The following EPB41 variants were observed in gnomAD, a reference collection of about 807,000 sequenced individuals.
EPB41 encodes the protein protein 4.1.
Under a neutral mutation model 108.0 loss-of-function variants are expected in EPB41, and 65 were observed. That is an observed-to-expected ratio of 0.60 (90% CI 0.49 to 0.74). EPB41 has a LOEUF of 0.74. Among genes scored for constraint, EPB41 ranks in the 30% least tolerant of loss-of-function variants. The pLI, the probability that EPB41 is intolerant of heterozygous loss-of-function variation, is 0.00. For synonymous variants in EPB41, 336 were observed against 358.9 expected, an observed-to-expected ratio of 0.94 and a Z score of 0.72; for missense variants, 875 against 1,037.0, an observed-to-expected ratio of 0.84 and a Z score of 2.15.
Position 29,035,889 on chromosome 1 carries a change from T to A in EPB41, c.1429T>A (p.Trp477Arg). Residue 477 changes from tryptophan to arginine, a missense_variant, in exon 10 of 21, where the codon TGG becomes AGG. By Grantham distance (101) the Trp-to-Arg change is moderately radical (BLOSUM62 -3). Coordinates refer to ENST00000343067, the MANE Select transcript of EPB41 (RefSeq NM_001376013.1). ...LPSYRAAKKLWKVCVEHHTFF... is the reference protein window; with the variant it reads ...LPSYRAAKKLRKVCVEHHTFF... ...CAGTTACCGAGCAGCTAAGAAATTA[T>A]GGAAAGTCTGTGTAGAACATCACAC... 1 of 1,613,980 alleles carries A rather than the reference T, an allele frequency of 6.2e-7. No homozygotes were observed.
intron 1 of EPB41, among the ~76,000 whole-genome samples, chr1:28,985,998 A>G (rs2095862850): frequency 1.0e-5 from 1 of 99,054 alleles, no homozygotes; most frequent in Non-Finnish European, 1.9e-5. Flanking sequence ...ACCCCACCAC[A>G]GTCCCCAGAG....
intron 12 of EPB41, among the ~76,000 whole-genome samples, chr1:29,056,966 A>T (rs954583647): frequency 6.6e-6 from 1 of 152,212 alleles, no homozygotes; most frequent in South Asian, 2.1e-4. Flanking sequence ...TGTTTGCTAA[A>T]TGTACAATTC....
intron 1 of EPB41, among the ~76,000 whole-genome samples, chr1:28,922,688 C>T (rs1435794177): frequency 1.3e-5 from 2 of 149,044 alleles, no homozygotes; most frequent in Admixed American, 6.8e-5. Context: ...AGTGCAGTGG[C>T]GCGATCTCGG....
At chr1:29,023,693 A>G (rs539171087) in intron 7 of EPB41, among the ~76,000 whole-genome samples, 2 of 152,046 alleles carry the variant, frequency 1.3e-5, no homozygotes, top group Middle Eastern at 3.4e-3. Flanking sequence ...GTCTCAAAAA[A>G]AAGAAAAAAG....
At position 29,075,156 on chromosome 1, in the gene EPB41, CA is replaced by C. The variant is rs397979778; in HGVS notation, c.2184+10017del. The stretch of plus-strand genomic sequence containing the variant: ...TGGGCGACAGAGTGAGACTCCGTCT[CA>C]AAAAAAAAAAAAAAAAAATCTTTTG... On this transcript the variant is annotated intron_variant, in intron 16 of 20. Transcript: ENST00000343067. 7.6e-3 allele frequency among the ~76,000 whole-genome samples: 741 copies of C among 97,544 alleles called. 3 individuals carry two copies. Among genetic ancestry groups the C allele is most frequent in the African/African-American group, 0.028 (668 of 23,976 alleles). 64.0% of individuals were successfully genotyped at this position (97,544 alleles called of 152,430 possible).
Position 28,993,347 on chromosome 1 carries a change from C to G in EPB41, c.486C>G (p.Leu162=). 1 of 1,612,690 alleles carries G rather than the reference C, an allele frequency of 6.2e-7. No individual in the cohort carries two copies. Among genetic ancestry groups the G allele is most frequent in the Admixed American group, 1.7e-5 (1 of 59,994 alleles). The change falls in exon 3 of 21, where the codon CTC becomes CTG. Residue 162 remains leucine (L), a synonymous_variant. Coordinates refer to ENST00000343067, the MANE Select transcript of EPB41 (RefSeq NM_001376013.1). The part of the protein sequence containing the change: ...SAETQPAQEE[L]REDPDFEIKE... Reference sequence around the variant, plus strand: ...ATATGTAGCCTGCTCAGGAAGAACTCAGAGAAGATCCAGATTTTGAAATTA... The same window carrying G: ...ATATGTAGCCTGCTCAGGAAGAACTGAGAGAAGATCCAGATTTTGAAATTA...
chr1:29,077,283 T>A (rs937563216), intron 16 of EPB41, among the ~76,000 whole-genome samples: 3 of 152,036 alleles, frequency 2.0e-5, no homozygotes, highest in African/African-American at 4.8e-5. Flanking sequence ...TTAAAAGCTC[T>A]TATCCAGCTG....
chr1:28,932,019 C>T (rs1570842108), intron 1 of EPB41, among the ~76,000 whole-genome samples: 1 of 152,086 alleles, frequency 6.6e-6, no homozygotes, highest in Non-Finnish European at 1.5e-5. Context: ...TATGCCTAGT[C>T]TATATTTTAA....
At chr1:28,930,220 C>T (rs2148515144) in intron 1 of EPB41, among the ~76,000 whole-genome samples, 1 of 142,774 alleles carries the variant, frequency 7.0e-6, no homozygotes, top group South Asian at 2.3e-4. Flanking sequence ...GCAGTGGCAC[C>T]AACATAACTC....
intron 10 of EPB41, among the ~76,000 whole-genome samples, chr1:29,037,620 T>C (rs1034909657): frequency 6.6e-6 from 1 of 151,772 alleles, no homozygotes; most frequent in African/African-American, 2.4e-5. Context: ...TCTCACTCTG[T>C]TGCCCAGGCT....
intron 16 of EPB41, among the ~76,000 whole-genome samples, chr1:29,090,541 A>G (rs986001473): frequency 6.6e-6 from 1 of 152,042 alleles, no homozygotes; most frequent in African/African-American, 2.4e-5. Flanking sequence ...ACCTGAGGTC[A>G]GAAGGTCAAG....
At chr1:28,910,172 G>A (rs1029988473), upstream of EPB41, among the ~76,000 whole-genome samples, 2 of 151,968 alleles carry the variant, frequency 1.3e-5, no homozygotes, top group African/African-American at 4.8e-5. Flanking sequence ...TTGACTGGTG[G>A]CTTTATAGTG....
At chr1:28,894,087 T>C (rs983589368) in intron 1 of EPB41, among the ~76,000 whole-genome samples, 2 of 152,174 alleles carry the variant, frequency 1.3e-5, no homozygotes, top group Non-Finnish European at 2.9e-5. Flanking sequence ...ATAGAATCCT[T>C]TTTCTGTTGC....
intron 4 of EPB41, 127 bp downstream of exon 4, chr1:28,997,446 T>A (rs2096205874): frequency 1.5e-6 from 1 of 683,588 alleles, no homozygotes; most frequent in African/African-American, 1.8e-5. Context: ...CTACTCTTAT[T>A]TCTTAGATTT....
chr1:29,013,128 C>G (rs1268085283), intron 5 of EPB41, among the ~76,000 whole-genome samples: 3 of 151,618 alleles, frequency 2.0e-5, no homozygotes, highest in African/African-American at 4.8e-5. Flanking sequence ...AAAATTACAC[C>G]ATCCTGGCCA....
At chr1:29,111,339 CT>C (rs1412290025) in intron 18 of EPB41, among the ~76,000 whole-genome samples, 2 of 152,070 alleles carry the variant, frequency 1.3e-5, no homozygotes, top group Non-Finnish European at 2.9e-5. Flanking sequence ...AGAATTGTGA[CT>C]TTCTGTTTAG....
rs2147899109 is a variant in EPB41 at position 28,900,327 on chromosome 1, A to G, written c.-8+13117A>G. Among the ~76,000 whole-genome samples, 2 of 145,730 alleles carry G rather than the reference A, an allele frequency of 1.4e-5. 1 individual carries two copies. Among genetic ancestry groups the G allele is most frequent in the South Asian group, 4.3e-4 (2 of 4,682 alleles). ...TTTTGAGATGGAGTCTCCTTCTATC[A>G]CCCAGGCTGGAGTGCAGTGGCATGA... On this transcript the variant is annotated intron_variant, in intron 1 of 16. Coordinates refer to the EPB41 transcript ENST00000347529.
intron 1 of EPB41, among the ~76,000 whole-genome samples, chr1:28,967,013 C>CTTTTTTTTTTTTTTTTTTTTT (rs71586876): frequency 1.2e-5 from 1 of 85,368 alleles, no homozygotes; most frequent in Admixed American, 1.6e-4. Flanking sequence ...ATATGAGAAC[C>CTTTTTTTTTTTTTTTTTTTTT]TTTTTTTTTT....
At chr1:29,010,515 T>C (rs996280034) in intron 4 of EPB41, among the ~76,000 whole-genome samples, 2 of 152,230 alleles carry the variant, frequency 1.3e-5, no homozygotes, top group Admixed American at 1.3e-4. Flanking sequence ...CTTTTCGACA[T>C]GTATCTTGTA....
Sources: gnomAD v4.1 joint callset for allele counts (sites outside exome capture counted in the v4.1 genomes callset) on GRCh38, gnomAD v4.1.1 for gene constraint, MANE v1.5 for transcripts, NCBI Gene and HGNC (gene_info 2026-07-23, HGNC 2026-07-21) for gene names.